SEMA6D: variants seen among roughly 807,000 people sequenced by gnomAD.
SEMA6D encodes the protein semaphorin 6D.
Under a neutral mutation model 106.6 loss-of-function variants are expected in SEMA6D, and 35 were observed. The ratio of observed to expected loss-of-function variants is 0.33; its 90% confidence interval spans 0.25 to 0.44. The LOEUF (loss-of-function observed/expected upper bound fraction) is 0.44. SEMA6D is among the 20% of genes least tolerant of loss of function. The pLI, the probability that SEMA6D is intolerant of heterozygous loss-of-function variation, is 1.00. For synonymous variants in SEMA6D, 499 were observed against 487.7 expected (o/e 1.02, Z -0.31); for missense variants, 1,185 against 1,345.9 (o/e 0.88, Z 1.87).
intron 3 of SEMA6D, among the ~76,000 whole-genome samples, chr15:47,519,206 GTGTTA>G (rs1167324654): frequency 6.6e-6 from 1 of 152,126 alleles, no homozygotes; most frequent in Non-Finnish European, 1.5e-5. Flanking sequence ...CCATTATCAA[GTGTTA>G]TGTTCTACAC....
intron 4 of SEMA6D, among the ~76,000 whole-genome samples, chr15:47,636,915 C>T (rs987810614): frequency 2.0e-5 from 3 of 152,310 alleles, no homozygotes; most frequent in Admixed American, 2.0e-4. Context: ...GTGCTCATGG[C>T]TGCCCTAGGC....
At chr15:47,451,592 G>A (rs2042194819) in intron 2 of SEMA6D, among the ~76,000 whole-genome samples, 1 of 152,024 alleles carries the variant, frequency 6.6e-6, no homozygotes, top group South Asian at 2.1e-4. Flanking sequence ...GCAGGTGGCT[G>A]TCCCTTTCCC....
chr15:47,359,828 T>C (rs934021699), intron 1 of SEMA6D: 1 of 152,180 alleles, frequency 6.6e-6, no homozygotes, highest in Non-Finnish European at 1.5e-5. Context: ...ACTAAAAATT[T>C]AGCATAGTTT....
chr15:47,268,723 G>T (rs972483771), intron 1 of SEMA6D, among the ~76,000 whole-genome samples: 1 of 152,108 alleles, frequency 6.6e-6, no homozygotes, highest in African/African-American at 2.4e-5. Flanking sequence ...CTCCTTTAGT[G>T]AACAATTCTT....
chr15:47,209,910 G>A (rs1396143329), intron 1 of SEMA6D, among the ~76,000 whole-genome samples: 2 of 152,104 alleles, frequency 1.3e-5, no homozygotes, highest in East Asian at 3.9e-4. Flanking sequence ...CCCTTAAAGT[G>A]GAATGACCAG....
At chr15:47,468,920 G>A (rs1192546390) in intron 2 of SEMA6D, among the ~76,000 whole-genome samples, 1 of 152,096 alleles carries the variant, frequency 6.6e-6, no homozygotes, top group Non-Finnish European at 1.5e-5. Flanking sequence ...ACCCTGTCTA[G>A]ACTTTCTTGG....
rs750475520 is a variant in SEMA6D, at chr15:47,761,446, T to C, written c.447+15T>C. On this transcript the variant is annotated intron_variant, in intron 6 of 18. Coordinates refer to ENST00000536845, the MANE Select transcript of SEMA6D (RefSeq NM_001358351.3). ...GATACTACAGGGTAAGTATATTTTA[T>C]GTGATATGCTTCTTTTGATCAACTT... 6.4e-7 allele frequency: 1 copy of C among 1,569,750 alleles called. No individual in the cohort carries two copies. Among genetic ancestry groups the C allele is most frequent in the South Asian group, 1.2e-5 (1 of 86,372 alleles).
chr15:47,432,906 CTG>C (rs2041586075), intron 2 of SEMA6D, among the ~76,000 whole-genome samples: 3 of 152,226 alleles, frequency 2.0e-5, no homozygotes, highest in South Asian at 4.1e-4. Context: ...ATAAACTACA[CTG>C]TCAGTAATTC....
At chr15:47,384,872 A>G (rs2039776665) in intron 1 of SEMA6D, among the ~76,000 whole-genome samples, 1 of 68,744 alleles carries the variant, frequency 1.5e-5, no homozygotes, top group Admixed American at 2.2e-4. Flanking sequence ...TGTTTCCTCT[A>G]GTCCTGGCAG....
At position 47,452,928 on chromosome 15, in the gene SEMA6D, G is replaced by A. The variant is rs191693725; in HGVS notation, c.-158-17546G>A. The stretch of plus-strand genomic sequence containing the variant: ...TTATTTTTAAATGAATGTATTTACA[G>A]TTGAAATTATCCCCATGAGTTTTTT... On this transcript the variant is annotated intron_variant, in intron 2 of 19. Transcript: ENST00000558014. Among the ~76,000 whole-genome samples the A allele has an allele frequency of 2.2e-4, 33 of 151,938 alleles. No individual in the cohort carries two copies. The East Asian group carries it at 6.2e-3, about 29-fold the overall frequency.
At chr15:47,545,492 C>T (rs2045492731) in intron 3 of SEMA6D, among the ~76,000 whole-genome samples, 1 of 152,138 alleles carries the variant, frequency 6.6e-6, no homozygotes, top group South Asian at 2.1e-4. Flanking sequence ...CAGAGTGAGA[C>T]ATCACATTTT....
chr15:47,647,187 A>C (rs1309661210), intron 4 of SEMA6D, among the ~76,000 whole-genome samples: 1 of 152,228 alleles, frequency 6.6e-6, no homozygotes, highest in African/African-American at 2.4e-5. Context: ...TTTTGGATAT[A>C]AAGTGTACTT....
intron 1 of SEMA6D, among the ~76,000 whole-genome samples, chr15:47,394,002 G>T (rs1325752932): frequency 6.6e-6 from 1 of 152,122 alleles, no homozygotes; most frequent in African/African-American, 2.4e-5. Context: ...CAAGTGAGAG[G>T]CAGGATAGAT....
chr15:47,429,658 G>A (rs373598897), intron 2 of SEMA6D, among the ~76,000 whole-genome samples: 2 of 152,104 alleles, frequency 1.3e-5, no homozygotes, highest in Non-Finnish European at 2.9e-5. Flanking sequence ...GTATTTTTCT[G>A]AATCAACTAT....
intron 1 of SEMA6D, among the ~76,000 whole-genome samples, chr15:47,318,557 G>C (rs1328798042): frequency 1.3e-5 from 2 of 149,276 alleles, no homozygotes; most frequent in Non-Finnish European, 3.0e-5. Flanking sequence ...TGAGAATGAT[G>C]ATTTCCAATT....
intron 1 of SEMA6D, among the ~76,000 whole-genome samples, chr15:47,738,382 TC>T (rs1466437941): frequency 1.3e-5 from 2 of 152,216 alleles, no homozygotes; most frequent in Non-Finnish European, 2.9e-5. Flanking sequence ...TACCACATTT[TC>T]TTTATCCAGT....
chr15:47,413,312 A>G (rs2040859977), intron 2 of SEMA6D, among the ~76,000 whole-genome samples: 2 of 152,274 alleles, frequency 1.3e-5, no homozygotes, highest in East Asian at 1.9e-4. Context: ...GTCAAACAAG[A>G]TCATCTAGGC....
intron 1 of SEMA6D, among the ~76,000 whole-genome samples, chr15:47,342,701 G>A (rs1006266321): frequency 1.9e-4 from 29 of 151,800 alleles, no homozygotes; most frequent in African/African-American, 4.6e-4. Context: ...ACACTAAATC[G>A]CTCAAATTAC....
intron 4 of SEMA6D, among the ~76,000 whole-genome samples, chr15:47,634,432 G>T (rs77528155): frequency 1.3e-5 from 2 of 152,178 alleles, no homozygotes; most frequent in Admixed American, 6.5e-5. Flanking sequence ...GTTACTGCAC[G>T]ATGGTGATAG....
Sources: gnomAD v4.1 joint callset for allele counts (sites outside exome capture counted in the v4.1 genomes callset) on GRCh38, gnomAD v4.1.1 for gene constraint, MANE v1.5 for transcripts, NCBI Gene and HGNC (gene_info 2026-07-23, HGNC 2026-07-21) for gene names.